The following ROBO2 variants were observed in gnomAD, a reference collection of about 807,000 sequenced individuals.
ROBO2 encodes roundabout homolog 2.
ROBO2 carries 53 observed loss-of-function variants against 160.8 expected under a neutral mutation model. That is an observed-to-expected ratio of 0.33 (90% confidence interval 0.26 to 0.41). The LOEUF is 0.41. Among genes scored for constraint, ROBO2 ranks in the 10% least tolerant of loss-of-function variants. The pLI is 1.00. For missense variants in ROBO2, 1,577 were observed against 1,722.4 expected (o/e 0.92, Z 1.49); for synonymous variants, 664 against 611.7 (o/e 1.09, Z -1.26).
chr3:76,980,732 A>G (rs541792374), intron 2 of ROBO2, among the ~76,000 whole-genome samples: 30 of 152,110 alleles, frequency 2.0e-4, no homozygotes, highest in Admixed American at 4.6e-4. Context: ...CTTACCTATT[A>G]ACATGTATAC....
intron 2 of ROBO2, among the ~76,000 whole-genome samples, chr3:77,263,409 G>A (rs1044674788): frequency 2.6e-5 from 4 of 151,924 alleles, no homozygotes; most frequent in East Asian, 1.9e-4. Flanking sequence ...TCCTCCCACC[G>A]TCCATTATCT....
intron 2 of ROBO2, among the ~76,000 whole-genome samples, chr3:77,198,840 T>G (rs1579894780): frequency 1.3e-5 from 2 of 151,250 alleles, no homozygotes; most frequent in Non-Finnish European, 3.0e-5. Flanking sequence ...GAGGTGGAGG[T>G]TGCAGTGAGC....
chr3:76,777,169 A>C (rs1336854900), intron 2 of ROBO2, among the ~76,000 whole-genome samples: 1 of 151,140 alleles, frequency 6.6e-6, no homozygotes, highest in African/African-American at 2.4e-5. Context: ...AATTAGATCC[A>C]GCAAGGCACA....
intron 2 of ROBO2, among the ~76,000 whole-genome samples, chr3:76,843,810 C>G (rs1233429692): frequency 2.0e-5 from 3 of 151,956 alleles, no homozygotes; most frequent in African/African-American, 7.2e-5. Context: ...CTAAAAACGA[C>G]CAGGTACAAA....
chr3:76,343,998 G>A (rs1004315743), intron 2 of ROBO2, among the ~76,000 whole-genome samples: 5 of 151,986 alleles, frequency 3.3e-5, no homozygotes, highest in African/African-American at 1.2e-4. Context: ...TCTTTAAAGT[G>A]GGGCTGTTTT....
chr3:76,634,810 G>C (rs556647621), intron 2 of ROBO2, among the ~76,000 whole-genome samples: 3 of 152,190 alleles, frequency 2.0e-5, no homozygotes, highest in Admixed American at 6.5e-5. Flanking sequence ...ACCTGGCCAC[G>C]CAGCAGGAGG....
intron 2 of ROBO2, among the ~76,000 whole-genome samples, chr3:76,341,504 CA>C (rs1003765397): frequency 0.011 from 1,036 of 94,550 alleles, 6 homozygotes; most frequent in South Asian, 0.051. Context: ...TATCTCTTTA[CA>C]AAAAAAAAAA....
At chr3:76,736,261 G>C (rs1227906573) in intron 2 of ROBO2, among the ~76,000 whole-genome samples, 1 of 52,512 alleles carries the variant, frequency 1.9e-5, no homozygotes, top group Non-Finnish European at 3.3e-5. Context: ...CAGCCTGGGC[G>C]ACAGAGCGAG....
chr3:77,292,411 G>T (rs1354790199), intron 2 of ROBO2, among the ~76,000 whole-genome samples: 1 of 151,818 alleles, frequency 6.6e-6, no homozygotes, highest in Non-Finnish European at 1.5e-5. Flanking sequence ...TAAAATTGAC[G>T]GTTAAACGGA....
chr3:76,346,380 A>G (rs2074533082), intron 2 of ROBO2, among the ~76,000 whole-genome samples: 1 of 152,114 alleles, frequency 6.6e-6, no homozygotes, highest in East Asian at 1.9e-4. Context: ...CTTCCTTAGA[A>G]AGCATTGACG....
At chr3:77,566,200 A>C (rs1433220961) in intron 12 of ROBO2, among the ~76,000 whole-genome samples, 2 of 152,080 alleles carry the variant, frequency 1.3e-5, no homozygotes, top group Admixed American at 6.6e-5. Context: ...ACTGAAATAA[A>C]GTCACCACGT....
rs929454046 is a variant in ROBO2, at chr3:76,075,660, G to A, written c.109+138058G>A. Reference sequence around the variant, plus strand: ...TGATTCGCTGTAGTATCCCAATAGCGTAGACAAACAAATGAGCATCTAAAA... The same window carrying A: ...TGATTCGCTGTAGTATCCCAATAGCATAGACAAACAAATGAGCATCTAAAA... On this transcript the variant is annotated intron_variant, in intron 2 of 26. Coordinates refer to the ROBO2 transcript ENST00000487694. Among the ~76,000 whole-genome samples, 15 of 152,212 alleles carry A rather than the reference G, an allele frequency of 9.9e-5. 1 individual carries two copies. The highest frequency in any genetic ancestry group is 4.4e-5 in the Non-Finnish European group (3 of 68,020).
At chr3:77,580,706 T>C (rs2093895415) in intron 16 of ROBO2, among the ~76,000 whole-genome samples, 1 of 152,162 alleles carries the variant, frequency 6.6e-6, no homozygotes, top group Non-Finnish European at 1.5e-5. Context: ...GATAATGTTT[T>C]TGAAATTCAT....
At chr3:77,409,103 G>GTATATATATATATATATATATGTATA (rs57350639) in intron 2 of ROBO2, among the ~76,000 whole-genome samples, 1 of 129,656 alleles carries the variant, frequency 7.7e-6, no homozygotes, top group African/African-American at 2.7e-5. Flanking sequence ...ATATATATAT[G>GTATATATATATATATATATATGTATA]TATATATATA....
intron 1 of ROBO2, among the ~76,000 whole-genome samples, chr3:77,044,155 C>G (rs976667406): frequency 2.0e-5 from 3 of 149,538 alleles, no homozygotes; most frequent in Non-Finnish European, 4.4e-5. Flanking sequence ...GAACATTAAG[C>G]AAAAATATTG....
At chr3:77,406,887 A>G (rs185375243) in intron 2 of ROBO2, among the ~76,000 whole-genome samples, 10 of 152,298 alleles carry the variant, frequency 6.6e-5, no homozygotes, top group South Asian at 4.1e-4. Context: ...CAAAGTTTAC[A>G]TTTTAAATTT....
chr3:77,285,385 G>C (rs1206314691), intron 2 of ROBO2, among the ~76,000 whole-genome samples: 3 of 152,120 alleles, frequency 2.0e-5, no homozygotes, highest in Non-Finnish European at 2.9e-5. Context: ...TGCTTTCAGA[G>C]CCATAAAAAA....
intron 2 of ROBO2, among the ~76,000 whole-genome samples, chr3:76,287,519 C>A (rs1409474557): frequency 6.6e-6 from 1 of 151,978 alleles, no homozygotes; most frequent in Non-Finnish European, 1.5e-5. Flanking sequence ...AGACTGGTCT[C>A]GAACTCCTGA....
chr3:76,074,370 G>T (rs1337275917), intron 2 of ROBO2, among the ~76,000 whole-genome samples: 3 of 152,216 alleles, frequency 2.0e-5, no homozygotes, highest in African/African-American at 7.2e-5. Context: ...ACTTCATTAA[G>T]GCAGGGCAAG....
Sources: allele counts gnomAD v4.1 joint callset (sites outside exome capture counted in the v4.1 genomes callset), GRCh38; gene constraint gnomAD v4.1.1; transcripts MANE v1.5; gene names NCBI Gene and HGNC (gene_info 2026-07-23, HGNC 2026-07-21).